INO80: variants seen among roughly 807,000 people sequenced by gnomAD.
INO80 encodes the protein INO80 complex ATPase subunit.
INO80 carries 20 observed loss-of-function variants against 203.4 expected under a neutral mutation model. That is an observed-to-expected ratio of 0.10 (90% CI 0.07 to 0.14). The LOEUF is 0.14. INO80 is among the 10% of genes least tolerant of loss of function. INO80 has a pLI of 1.00. For synonymous variants in INO80, 726 were observed against 685.2 expected (o/e 1.06, Z -0.93); for missense variants, 1,419 against 1,914.4 (o/e 0.74, Z 4.83).
chr15:41,070,584 T>C (rs764069664), intron 12 of INO80, 37 bp from the exon 13 acceptor site: 65 of 1,513,080 alleles, frequency 4.3e-5, no homozygotes, highest in Non-Finnish European at 5.5e-5. Flanking sequence ...ACCTCATGCA[T>C]TTCATCAAAT....
chr15:41,020,297 T>C (rs187562743), intron 26 of INO80, among the ~76,000 whole-genome samples: 14 of 152,324 alleles, frequency 9.2e-5, no homozygotes, highest in Middle Eastern at 3.4e-3. Context: ...AAGCTACCAT[T>C]CCAGTTTGCC....
At chr15:41,013,101 A>AACAACAACC (rs1256137340) in intron 27 of INO80, 5 of 151,676 alleles carry the variant, frequency 3.3e-5, no homozygotes, top group Non-Finnish European at 2.9e-5. Context: ...CAACAACAAC[A>AACAACAACC]ACCACCACAA....
intron 6 of INO80, among the ~76,000 whole-genome samples, chr15:41,086,517 G>A (rs1396376507): frequency 6.6e-6 from 1 of 152,006 alleles, no homozygotes; most frequent in Non-Finnish European, 1.5e-5. Context: ...CAGGTATAGT[G>A]GCGTGCACCT....
intron 11 of INO80, 108 bp downstream of exon 11, chr15:41,073,320 T>G: frequency 1.1e-6 from 1 of 927,016 alleles, no homozygotes. Flanking sequence ...AGCTAGTCTA[T>G]GCTTTTAATT....
chr15:41,055,452 A>C (rs892632442), intron 17 of INO80, 88 bp from the exon 18 acceptor site: 1 of 714,526 alleles, frequency 1.4e-6, no homozygotes, highest in Middle Eastern at 3.5e-4. Flanking sequence ...TTGCAGGTGT[A>C]TTAGTGTGTA....
intron 1 of INO80, among the ~76,000 whole-genome samples, chr15:41,103,010 A>ATTTCTAGATGCTTCTAGAAAGGC (rs2045831854): frequency 2.6e-5 from 4 of 152,046 alleles, no homozygotes; most frequent in African/African-American, 7.2e-5. Context: ...TACAATCCAC[A>ATTTCTAGATGCTTCTAGAAAGGC]TTTCTAGATG....
chr15:41,108,106 TAAAC>T (rs986072645), intron 1 of INO80, among the ~76,000 whole-genome samples: 7 of 151,938 alleles, frequency 4.6e-5, no homozygotes, highest in African/African-American at 1.5e-4. Context: ...TCTCAAAAAA[TAAAC>T]AAACTTTACT....
chr15:41,096,032 T>C (rs1021102751), intron 2 of INO80, 104 bp from the exon 3 acceptor site: 30 of 1,410,422 alleles, frequency 2.1e-5, no homozygotes, highest in East Asian at 7.1e-5. Context: ...CTGAAATAAA[T>C]TGACTTTTTT....
intron 25 of INO80, among the ~76,000 whole-genome samples, chr15:41,023,794 CG>C (rs1453668091): frequency 3.7e-5 from 4 of 108,834 alleles, no homozygotes; most frequent in Admixed American, 1.8e-4. Context: ...CAAAACAAAA[CG>C]AAAAAAAGAA....
chr15:41,090,303 T>C (rs986906542), intron 5 of INO80, among the ~76,000 whole-genome samples: 4 of 152,066 alleles, frequency 2.6e-5, no homozygotes, highest in African/African-American at 9.7e-5. Flanking sequence ...GGGCTGGGGA[T>C]GGTGGCTCAC....
At chr15:41,008,133 C>T (rs902326427) in intron 27 of INO80, among the ~76,000 whole-genome samples, 13 of 152,132 alleles carry the variant, frequency 8.5e-5, no homozygotes, top group African/African-American at 3.1e-4. Context: ...CAAGATCATG[C>T]CACAGCACTG....
chr15:40,988,814 A>C (rs1205737492), intron 29 of INO80, among the ~76,000 whole-genome samples: 4 of 152,248 alleles, frequency 2.6e-5, no homozygotes, highest in Non-Finnish European at 4.4e-5. Context: ...CAGGAGTTTG[A>C]GACCAGCCTG....
intron 28 of INO80, among the ~76,000 whole-genome samples, chr15:41,000,587 T>C (rs1430147749): frequency 1.3e-5 from 2 of 151,046 alleles, no homozygotes; most frequent in African/African-American, 4.9e-5. Flanking sequence ...CTCAGCTACT[T>C]GGGAGGCTGA....
chr15:41,066,743 T>C (rs1314583862), intron 14 of INO80, among the ~76,000 whole-genome samples: 3 of 143,288 alleles, frequency 2.1e-5, no homozygotes, highest in Non-Finnish European at 3.0e-5. Context: ...TGTGGGAGAA[T>C]GGCTTGAGGT....
At chr15:41,032,929 T>C (rs1045555417) in intron 24 of INO80, among the ~76,000 whole-genome samples, 1 of 151,962 alleles carries the variant, frequency 6.6e-6, no homozygotes, top group Non-Finnish European at 1.5e-5. Context: ...TCCCAGCTAC[T>C]CAGGAGGCTG....
At chr15:41,020,675 T>C (rs1396968032) in intron 26 of INO80, among the ~76,000 whole-genome samples, 1 of 151,892 alleles carries the variant, frequency 6.6e-6, no homozygotes, top group Non-Finnish European at 1.5e-5. Flanking sequence ...CTTTCTCAGC[T>C]GTAAGCATGT....
chr15:41,112,538 C>T (rs1370317996), intron 1 of INO80, among the ~76,000 whole-genome samples: 1 of 151,980 alleles, frequency 6.6e-6, no homozygotes, highest in Admixed American at 6.6e-5. Context: ...CCTGTAATCC[C>T]AGCACTTTGG....
intron 24 of INO80, among the ~76,000 whole-genome samples, chr15:41,036,500 T>C (rs770156384): frequency 6.6e-6 from 1 of 151,902 alleles, no homozygotes; most frequent in Non-Finnish European, 1.5e-5. Context: ...CTGCCCACTT[T>C]CCCTAAACCC....
At chr15:41,024,495 C>T (rs1013685724) in intron 25 of INO80, 3 of 152,180 alleles carry the variant, frequency 2.0e-5, no homozygotes, top group African/African-American at 7.2e-5. Flanking sequence ...AGGAGCTAAC[C>T]CCTTTCTTGC....
Sources: allele counts gnomAD v4.1 joint callset (sites outside exome capture counted in the v4.1 genomes callset), GRCh38; gene constraint gnomAD v4.1.1; transcripts MANE v1.5; gene names NCBI Gene and HGNC (gene_info 2026-07-23, HGNC 2026-07-21).